The following TASP1 variants were observed in gnomAD, a reference collection of about 807,000 sequenced individuals.
TASP1 encodes taspase 1, also known as threonine aspartase 1.
TASP1 carries 16 observed loss-of-function variants against 56.6 expected under a neutral mutation model. The observed-to-expected ratio is 0.28, with a 90% confidence interval of 0.19 to 0.43. The LOEUF (loss-of-function observed/expected upper bound fraction) is 0.43. Among genes scored for constraint, TASP1 ranks in the 20% least tolerant of loss-of-function variants. The pLI, the probability that TASP1 is intolerant of heterozygous loss-of-function variation, is 1.00. For missense variants in TASP1, 393 were observed against 511.6 expected (o/e 0.77, Z 2.24); for synonymous variants, 179 against 184.2 (o/e 0.97, Z 0.23).
the TASP1 span, among the ~76,000 whole-genome samples, chr20:13,252,127 T>C: frequency 6.6e-6 from 1 of 152,156 alleles, no homozygotes; most frequent in Admixed American, 6.5e-5. Flanking sequence ...CTACGGAGCC[T>C]TAAGACACAA....
At chr20:13,350,882 G>A in the TASP1 span, among the ~76,000 whole-genome samples, 8 of 150,404 alleles carry the variant, frequency 5.3e-5, no homozygotes, top group Admixed American at 2.6e-4. Context: ...TTTATTTTTT[G>A]TAGAGATGAG....
At chr20:13,343,931 C>A in the TASP1 span, among the ~76,000 whole-genome samples, 4 of 152,052 alleles carry the variant, frequency 2.6e-5, no homozygotes, top group East Asian at 7.8e-4. Flanking sequence ...GGCCAGCAAG[C>A]CCCTCTGTGG....
At chr20:13,276,237 C>T in the TASP1 span, among the ~76,000 whole-genome samples, 4 of 152,126 alleles carry the variant, frequency 2.6e-5, no homozygotes, top group South Asian at 8.3e-4. Context: ...GCTTAGAGGA[C>T]CAACAAGCAA....
At chr20:13,472,245 A>G (rs1021291881) in intron 11 of TASP1, among the ~76,000 whole-genome samples, 2 of 150,934 alleles carry the variant, frequency 1.3e-5, no homozygotes, top group African/African-American at 4.9e-5. Context: ...AGGATTCCCT[A>G]TTTAATAAAC....
At chr20:13,292,394 A>G in the TASP1 span, 1 of 1,604,802 alleles carries the variant, frequency 6.2e-7, no homozygotes, top group Non-Finnish European at 8.5e-7. Context: ...CACTTTTAGG[A>G]CAGCTGCCAC....
chr20:13,170,379 G>A, the TASP1 span, among the ~76,000 whole-genome samples: 1 of 152,176 alleles, frequency 6.6e-6, no homozygotes, highest in Non-Finnish European at 1.5e-5. Context: ...AAGGGAACAA[G>A]TGAAACCAGT....
intron 11 of TASP1, among the ~76,000 whole-genome samples, chr20:13,473,188 T>G (rs1030221845): frequency 2.6e-5 from 4 of 152,114 alleles, no homozygotes; most frequent in East Asian, 1.9e-4. Context: ...TCCTTTGTAG[T>G]GACATGGATG....
chr20:13,529,998 G>C (rs1432986302), intron 9 of TASP1, among the ~76,000 whole-genome samples: 1 of 152,052 alleles, frequency 6.6e-6, no homozygotes, highest in African/African-American at 2.4e-5. Context: ...CACTAGTCCT[G>C]CCTCTGCTCT....
At chr20:13,199,179 A>G in the TASP1 span, among the ~76,000 whole-genome samples, 1 of 151,928 alleles carries the variant, frequency 6.6e-6, no homozygotes, top group Admixed American at 6.6e-5. Context: ...CTGGGATTAT[A>G]GGCATAAGCC....
chr20:13,383,201 C>G, the TASP1 span, among the ~76,000 whole-genome samples: 1 of 152,218 alleles, frequency 6.6e-6, no homozygotes, highest in Non-Finnish European at 1.5e-5. Context: ...GTGCCATGAT[C>G]TTACTCCTTT....
the TASP1 span, among the ~76,000 whole-genome samples, chr20:13,287,912 G>A: frequency 6.6e-6 from 1 of 152,216 alleles, no homozygotes; most frequent in African/African-American, 2.4e-5. Context: ...CACTGGGTAG[G>A]TACTCTGCTC....
intron 4 of TASP1, among the ~76,000 whole-genome samples, chr20:13,588,244 AG>A (rs2047379998): frequency 3.0e-5 from 4 of 132,360 alleles, no homozygotes; most frequent in Non-Finnish European, 1.6e-5. Flanking sequence ...AAAGAAAGAA[AG>A]GAAGAAAGGA....
At chr20:13,582,246 C>A (rs2147222435) in intron 5 of TASP1, among the ~76,000 whole-genome samples, 1 of 151,818 alleles carries the variant, frequency 6.6e-6, no homozygotes, top group Admixed American at 6.6e-5. Flanking sequence ...ACTTATAAAT[C>A]CAAATCTTTA....
intron 11 of TASP1, among the ~76,000 whole-genome samples, chr20:13,457,977 C>T (rs979245698): frequency 6.6e-6 from 1 of 152,070 alleles, no homozygotes; most frequent in African/African-American, 2.4e-5. Flanking sequence ...TTTTAAAAAT[C>T]TAAATTTCAA....
the TASP1 span, among the ~76,000 whole-genome samples, chr20:13,256,511 T>A: frequency 1.2e-4 from 19 of 152,158 alleles, no homozygotes; most frequent in Admixed American, 9.2e-4. Flanking sequence ...GCATGACTAT[T>A]CTCAGGACTA....
At chr20:13,131,517 C>T in the TASP1 span, among the ~76,000 whole-genome samples, 1 of 152,248 alleles carries the variant, frequency 6.6e-6, no homozygotes, top group East Asian at 1.9e-4. Flanking sequence ...AACACATCTG[C>T]TTTATTCCCT....
chr20:13,381,660 C>A, the TASP1 span, among the ~76,000 whole-genome samples: 1 of 152,238 alleles, frequency 6.6e-6, no homozygotes, highest in South Asian at 2.1e-4. Flanking sequence ...CCAGGAGCAC[C>A]CTTATGCTTG....
chr20:13,248,408 G>A, the TASP1 span, among the ~76,000 whole-genome samples: 10 of 152,154 alleles, frequency 6.6e-5, no homozygotes, highest in African/African-American at 2.2e-4. Flanking sequence ...CCAGTGAGAT[G>A]TCTCCACTCC....
the TASP1 span, among the ~76,000 whole-genome samples, chr20:13,182,985 G>A: frequency 6.6e-6 from 1 of 152,216 alleles, no homozygotes; most frequent in East Asian, 1.9e-4. Context: ...CATATGGACT[G>A]TAACTTTGCC....
Sources: gnomAD v4.1 joint callset for allele counts (sites outside exome capture counted in the v4.1 genomes callset) on GRCh38, gnomAD v4.1.1 for gene constraint, MANE v1.5 for transcripts, NCBI Gene and HGNC (gene_info 2026-07-23, HGNC 2026-07-21) for gene names.